Variants in TACC1 observed in about 807,000 individuals in gnomAD.
The protein encoded by TACC1 is transforming acidic coiled-coil-containing protein 1.
A neutral mutation model predicts 84.4 loss-of-function variants in TACC1; 48 were observed. The observed-to-expected ratio is 0.57, with a 90% CI of 0.45 to 0.72. The LOEUF (loss-of-function observed/expected upper bound fraction) is 0.72, where lower values mean the gene tolerates loss of function less well. Ranked by LOEUF, TACC1 falls within the 30% of genes least tolerant of loss-of-function variation. TACC1 has a pLI of 0.00. For missense variants in TACC1, 920 were observed against 973.0 expected (o/e 0.95, Z 0.72); for synonymous variants, 372 against 376.3 (o/e 0.99, Z 0.13).
chr8:38,840,048 C>T (rs1398475350), intron 8 of TACC1, 176 bp from the exon 9 acceptor site: 8 of 403,436 alleles, frequency 2.0e-5, no homozygotes, highest in Admixed American at 9.3e-5. Context: ...CTTAAGAAAC[C>T]TTATATAATG....
At chr8:38,775,245 A>C (rs1305976471) in intron 3 of TACC1, among the ~76,000 whole-genome samples, 3 of 152,142 alleles carry the variant, frequency 2.0e-5, no homozygotes, top group Non-Finnish European at 4.4e-5. Flanking sequence ...CTAGTTGTGC[A>C]CTTTGGTGCC....
chr8:38,788,838 T>A lies in TACC1; in HGVS notation c.277+19T>A. ...AGCCAAGGTAAAGAAAAACTTGCAT[T>A]TTTCCTGCCTGTTTTGTTTCAAAAG... On this transcript the variant is annotated intron_variant, in intron 2 of 12. Transcript: ENST00000317827. The A allele has an allele frequency of 6.4e-7, 1 of 1,564,446 alleles. No individual in the cohort carries two copies. The highest frequency in any genetic ancestry group is 8.7e-7 in the Non-Finnish European group (1 of 1,151,214).
chr8:38,753,883 CT>C (rs1809470332), intron 3 of TACC1, among the ~76,000 whole-genome samples: 1 of 121,042 alleles, frequency 8.3e-6, no homozygotes, highest in South Asian at 2.9e-4. Flanking sequence ...AGGGTGTAGG[CT>C]TCACTCTTTC....
chr8:38,847,659 A>G (rs1349361186), intron 12 of TACC1, among the ~76,000 whole-genome samples: 1 of 152,232 alleles, frequency 6.6e-6, no homozygotes, highest in African/African-American at 2.4e-5. Flanking sequence ...TTTGACAAGT[A>G]CCCCAGATAA....
At chr8:38,782,376 T>C (rs1445197178), upstream of TACC1, among the ~76,000 whole-genome samples, 1 of 152,188 alleles carries the variant, frequency 6.6e-6, no homozygotes, top group African/African-American at 2.4e-5. Flanking sequence ...CTGCATAGTA[T>C]TCCATGGTGT....
In TACC1 at chr8:38,838,353, A is replaced by G. The variant is rs1830612455; in HGVS notation, c.1840-117A>G. 5 of 671,070 alleles carry G rather than the reference A, an allele frequency of 7.5e-6. No homozygotes were observed. The South Asian group carries it at 1.0e-4, about 13-fold the overall frequency. 41.6% of individuals were successfully genotyped at this position (671,070 alleles called of 1,614,324 possible). On this transcript the variant is annotated intron_variant, in intron 7 of 12. Coordinates refer to ENST00000317827, the MANE Select transcript of TACC1 (RefSeq NM_006283.3). ...TTACAAACATTTAATATTGAAGTTT[A>G]TATTTCTAATATAGATTGAACATCT...
At chr8:38,813,074 A>AT (rs947239666) in intron 2 of TACC1, among the ~76,000 whole-genome samples, 3 of 151,970 alleles carry the variant, frequency 2.0e-5, no homozygotes, top group African/African-American at 7.3e-5. Flanking sequence ...TATGATCCAA[A>AT]TTTTTTCCCT....
intron 2 of TACC1, among the ~76,000 whole-genome samples, chr8:38,796,992 G>A (rs900056248): frequency 1.3e-5 from 2 of 152,258 alleles, no homozygotes; most frequent in Non-Finnish European, 2.9e-5. Context: ...TGGGACTGCA[G>A]TTGTTTAAAG....
intron 1 of TACC1, among the ~76,000 whole-genome samples, chr8:38,729,616 C>T (rs1319571965): frequency 6.6e-6 from 1 of 152,170 alleles, no homozygotes; most frequent in Non-Finnish European, 1.5e-5. Context: ...CACCTGTAAT[C>T]CCAGCACTTT....
chr8:38,809,226 C>G (rs1238937444), intron 2 of TACC1, among the ~76,000 whole-genome samples: 1 of 152,066 alleles, frequency 6.6e-6, no homozygotes, highest in Non-Finnish European at 1.5e-5. Context: ...AGCTGCTTGA[C>G]TGATGTAGGA....
At chr8:38,845,516 A>G (rs1237821606) in intron 11 of TACC1, among the ~76,000 whole-genome samples, 1 of 152,170 alleles carries the variant, frequency 6.6e-6, no homozygotes, top group East Asian at 1.9e-4. Flanking sequence ...TTTTCCCTTA[A>G]TAGCATATCC....
At chr8:38,836,767 T>G (rs1467698916) in intron 7 of TACC1, among the ~76,000 whole-genome samples, 3 of 152,200 alleles carry the variant, frequency 2.0e-5, no homozygotes, top group Non-Finnish European at 4.4e-5. Context: ...GCTAGGCCTT[T>G]CCTGGTTATC....
At chr8:38,814,927 T>C (rs1251462584) in intron 2 of TACC1, among the ~76,000 whole-genome samples, 1 of 152,238 alleles carries the variant, frequency 6.6e-6, no homozygotes, top group East Asian at 1.9e-4. Context: ...AATACCAATA[T>C]TTTAGAAGTA....
intron 3 of TACC1, among the ~76,000 whole-genome samples, chr8:38,777,468 T>C (rs1445809499): frequency 6.6e-6 from 1 of 152,164 alleles, no homozygotes; most frequent in African/African-American, 2.4e-5. Flanking sequence ...AGGCTGGACA[T>C]GCAGTTTTCT....
rs762334012 is a variant in TACC1 at position 38,819,826 on chromosome 8, G to A, written c.582G>A (p.Glu194=). 8.1e-6 allele frequency: 13 copies of A among 1,613,932 alleles called. No homozygotes were observed. Among genetic ancestry groups the A allele is most frequent in the South Asian group, 5.5e-5 (5 of 91,088 alleles). The change falls in exon 3 of 13, where the codon GAG becomes GAA. Residue 194 remains glutamate (E), a synonymous_variant. Coordinates refer to ENST00000317827, the MANE Select transcript of TACC1 (RefSeq NM_006283.3). The part of the protein sequence containing the change: ...PSSPPDALQD[E]AMTEGSMGVT... ...GCCCGCCAGACGCCCTCCAGGACGA[G>A]GCGATGACAGAAGGCAGCATGGGGG...
At chr8:38,756,705 T>A (rs557030109) in intron 3 of TACC1, among the ~76,000 whole-genome samples, 23 of 152,360 alleles carry the variant, frequency 1.5e-4, no homozygotes, top group Middle Eastern at 3.4e-3. Flanking sequence ...GTGAAATAAC[T>A]TGTTCCAAGT....
At chr8:38,759,250 C>T (rs1810732819) in intron 3 of TACC1, among the ~76,000 whole-genome samples, 2 of 152,132 alleles carry the variant, frequency 1.3e-5, no homozygotes, top group African/African-American at 4.8e-5. Context: ...ATAACAATAT[C>T]TACTTCACAG....
At chr8:38,818,342 A>G (rs1825898489) in intron 2 of TACC1, among the ~76,000 whole-genome samples, 1 of 152,270 alleles carries the variant, frequency 6.6e-6, no homozygotes, top group African/African-American at 2.4e-5. Flanking sequence ...ATTTCCTTTA[A>G]AATCATGAGA....
intron 2 of TACC1, among the ~76,000 whole-genome samples, chr8:38,806,771 C>G (rs942370024): frequency 3.3e-5 from 5 of 152,150 alleles, no homozygotes; most frequent in African/African-American, 7.2e-5. Flanking sequence ...CTCTGATTCT[C>G]CAGCCCCAGC....
Sources: gnomAD v4.1 joint callset for allele counts (sites outside exome capture counted in the v4.1 genomes callset) on GRCh38, gnomAD v4.1.1 for gene constraint, MANE v1.5 for transcripts, NCBI Gene and HGNC (gene_info 2026-07-23, HGNC 2026-07-21) for gene names.